RBFOX1: variants seen among roughly 807,000 people sequenced by gnomAD.
RBFOX1 encodes the protein RNA binding protein fox-1 homolog 1.
RBFOX1 carries 8 observed loss-of-function variants against 57.7 expected under a neutral mutation model. The ratio of observed to expected loss-of-function variants is 0.14; its 90% CI spans 0.08 to 0.25. The LOEUF is 0.25. RBFOX1 is among the 10% of genes least tolerant of loss of function. RBFOX1 has a pLI of 1.00. For synonymous variants in RBFOX1, 326 were observed against 222.4 expected, an observed-to-expected ratio of 1.47 and a Z score of -4.15; for missense variants, 611 against 548.5, an observed-to-expected ratio of 1.11 and a Z score of -1.14.
chr16:7,274,844 C>G (rs898738013), intron 4 of RBFOX1, among the ~76,000 whole-genome samples: 2 of 151,970 alleles, frequency 1.3e-5, no homozygotes, highest in South Asian at 2.1e-4. Context: ...GCCACCACAC[C>G]TGGCTGATTT....
intron 8 of RBFOX1, among the ~76,000 whole-genome samples, chr16:7,596,126 GAAAAAAAAACAAA>G (rs2094683661): frequency 4.7e-5 from 5 of 106,130 alleles, no homozygotes; most frequent in Admixed American, 1.9e-4. Flanking sequence ...GTTTTTTGTG[GAAAAAAAAACAAA>G]AAAAAAAACG....
chr16:7,274,929 C>T (rs928249407), intron 4 of RBFOX1, among the ~76,000 whole-genome samples: 2 of 152,090 alleles, frequency 1.3e-5, no homozygotes, highest in Non-Finnish European at 2.9e-5. Context: ...AGTGACCTGC[C>T]TGCCTCGGCC....
At chr16:5,834,620 A>AGATT (rs887937541) in intron 3 of RBFOX1, among the ~76,000 whole-genome samples, 1 of 151,164 alleles carries the variant, frequency 6.6e-6, no homozygotes, top group African/African-American at 2.4e-5. Context: ...ATAGATAGAT[A>AGATT]GATTGACTGA....
intron 4 of RBFOX1, among the ~76,000 whole-genome samples, chr16:5,898,762 TA>T (rs538721436): frequency 2.2e-4 from 33 of 151,902 alleles, no homozygotes; most frequent in African/African-American, 7.7e-4. Flanking sequence ...TTAATTCATA[TA>T]AAAAAATAGC....
chr16:6,478,831 C>G (rs1003008698), intron 2 of RBFOX1, among the ~76,000 whole-genome samples: 3 of 151,854 alleles, frequency 2.0e-5, no homozygotes, highest in African/African-American at 4.8e-5. Flanking sequence ...TTTTGGCACC[C>G]CAAAACAATT....
At chr16:5,660,645 C>G (rs1198217993) in intron 3 of RBFOX1, among the ~76,000 whole-genome samples, 1 of 152,082 alleles carries the variant, frequency 6.6e-6, no homozygotes, top group African/African-American at 2.4e-5. Context: ...CTGCACAGTT[C>G]ATTATTTTTT....
chr16:5,908,272 A>C (rs964745399), intron 4 of RBFOX1, among the ~76,000 whole-genome samples: 1 of 149,420 alleles, frequency 6.7e-6, no homozygotes, highest in Non-Finnish European at 1.5e-5. Flanking sequence ...ACACATATAT[A>C]TACATACATA....
At chr16:6,280,357 T>C (rs188651344) in intron 1 of RBFOX1, among the ~76,000 whole-genome samples, 1 of 152,296 alleles carries the variant, frequency 6.6e-6, no homozygotes, top group African/African-American at 2.4e-5. Flanking sequence ...CTTCCTTTTT[T>C]TGTTCTTTCA....
intron 3 of RBFOX1, among the ~76,000 whole-genome samples, chr16:6,792,108 T>C (rs2083085299): frequency 6.6e-6 from 1 of 152,178 alleles, no homozygotes; most frequent in African/African-American, 2.4e-5. Flanking sequence ...ATAGTGGTAT[T>C]AATTATATCA....
intron 3 of RBFOX1, among the ~76,000 whole-genome samples, chr16:6,879,926 T>A (rs1440154897): frequency 6.6e-6 from 1 of 152,220 alleles, no homozygotes; most frequent in African/African-American, 2.4e-5. Flanking sequence ...ATTATTTAAA[T>A]TTTCATTGCA....
chr16:7,098,425 C>T (rs1176699789), intron 4 of RBFOX1, among the ~76,000 whole-genome samples: 2 of 152,204 alleles, frequency 1.3e-5, no homozygotes, highest in Non-Finnish European at 1.5e-5. Flanking sequence ...CTGCCTAGGC[C>T]TCCCAAAGTG....
chr16:7,584,112 GGAT>G, intron 6 of RBFOX1, among the ~76,000 whole-genome samples: 1 of 152,066 alleles, frequency 6.6e-6, no homozygotes. Flanking sequence ...AGAAAAACTG[GGAT>G]GATGCCTTTC....
chr16:7,239,734 G>A (rs532119416), intron 4 of RBFOX1, among the ~76,000 whole-genome samples: 1 of 152,228 alleles, frequency 6.6e-6, no homozygotes, highest in Admixed American at 6.5e-5. Flanking sequence ...AGAATTTGCT[G>A]ATGTTGTATT....
intron 1 of RBFOX1, among the ~76,000 whole-genome samples, chr16:6,135,634 C>G (rs2096660951): frequency 1.3e-5 from 2 of 151,532 alleles, no homozygotes; most frequent in Admixed American, 1.3e-4. Context: ...GTAGGTAAAT[C>G]AGAATGTCTG....
chr16:6,604,044 G>T (rs1335261215), intron 2 of RBFOX1, among the ~76,000 whole-genome samples: 2 of 152,018 alleles, frequency 1.3e-5, no homozygotes, highest in Non-Finnish European at 2.9e-5. Flanking sequence ...GTCTGCTGGG[G>T]ACTTTGAAGG....
chr16:6,308,008 T>G (rs1221100424), intron 1 of RBFOX1, among the ~76,000 whole-genome samples: 1 of 150,190 alleles, frequency 6.7e-6, no homozygotes, highest in Non-Finnish European at 1.5e-5. Flanking sequence ...TATTTACATA[T>G]TTTTATAAAT....
intron 5 of RBFOX1, among the ~76,000 whole-genome samples, chr16:7,521,969 T>G (rs142046581): frequency 1.3e-5 from 2 of 152,240 alleles, no homozygotes; most frequent in Admixed American, 6.5e-5. Context: ...TCACCACCTG[T>G]GAAAAGCTCT....
intron 2 of RBFOX1, among the ~76,000 whole-genome samples, chr16:6,632,783 A>G (rs2098400675): frequency 1.3e-5 from 2 of 152,196 alleles, no homozygotes; most frequent in Non-Finnish European, 2.9e-5. Flanking sequence ...ACTTAGGCTG[A>G]CTTTATCAGC....
chr16:6,902,294 G>A (rs2068685624), intron 3 of RBFOX1, among the ~76,000 whole-genome samples: 1 of 152,128 alleles, frequency 6.6e-6, no homozygotes, highest in South Asian at 2.1e-4. Flanking sequence ...CCTTACAACT[G>A]AAATGGAAAG....
Sources: allele counts gnomAD v4.1 joint callset (sites outside exome capture counted in the v4.1 genomes callset), GRCh38; gene constraint gnomAD v4.1.1; transcripts MANE v1.5; gene names NCBI Gene and HGNC (gene_info 2026-07-23, HGNC 2026-07-21).